The following COL20A1 variants were observed in gnomAD, a reference collection of about 807,000 sequenced individuals.
COL20A1 encodes collagen type XX alpha 1 chain.
Under a neutral mutation model 152.9 loss-of-function variants are expected in COL20A1, and 164 were observed. That is an observed-to-expected ratio of 1.07 (90% confidence interval 0.94 to 1.22). COL20A1 has a LOEUF of 1.22. COL20A1 is among the 50% of genes most tolerant of loss of function. The pLI, the probability that COL20A1 is intolerant of heterozygous loss-of-function variation, is 0.00. For missense variants in COL20A1, 1,873 were observed against 1,744.8 expected (o/e 1.07, Z -1.31); for synonymous variants, 864 against 756.0 (o/e 1.14, Z -2.34).
At chr20:63,316,719 TG>T in intron 21 of COL20A1, 28 bp downstream of exon 21, 1 of 1,483,796 alleles carries the variant, frequency 6.7e-7, no homozygotes, top group Admixed American at 2.4e-5. Flanking sequence ...GGGGTGGAGC[TG>T]GAAGCCCAGG....
rs2068125877 is a variant in COL20A1 at position 63,319,268 on chromosome 20, G to C, written c.2806+68G>C. On this transcript the variant is annotated intron_variant, in intron 22 of 35. Coordinates refer to ENST00000358894, the MANE Select transcript of COL20A1 (RefSeq NM_020882.4). The surrounding 1 kb of genome is among the most constrained non-coding windows in gnomAD (Gnocchi z 4.4). Reference sequence around the variant, plus strand: ...GGGGCAGGGAGGCCCCAGAGCCCTGGGAGGCCTTCAGAGGAAGTCCAGCCT... The same window carrying C: ...GGGGCAGGGAGGCCCCAGAGCCCTGCGAGGCCTTCAGAGGAAGTCCAGCCT... 8 of 1,520,182 alleles carry C rather than the reference G, an allele frequency of 5.3e-6. No homozygotes were observed. The highest frequency in any genetic ancestry group is 7.1e-6 in the Non-Finnish European group (8 of 1,121,416). The allele number at this position is 1,520,182 out of a possible 1,614,324, so 94.2% of individuals were successfully genotyped here.
At position 63,319,388 on chromosome 20, in the gene COL20A1, T is replaced by C; in HGVS notation, c.2807-99T>C. ...GAGGGTCACCTCCAGCTTGGCACCCTCAGGGCTGCTCCTGTCCTGTCGTGG... is the reference window on the plus strand; with the variant it reads ...GAGGGTCACCTCCAGCTTGGCACCCCCAGGGCTGCTCCTGTCCTGTCGTGG... On this transcript the variant is annotated intron_variant, in intron 22 of 35. Transcript: ENST00000358894. The surrounding 1 kb of genome is among the most constrained non-coding windows in gnomAD (Gnocchi z 4.4). The C allele has an allele frequency of 9.0e-7, 1 of 1,117,298 alleles. No individual in the cohort carries two copies. Among genetic ancestry groups the C allele is most frequent in the East Asian group, 2.6e-5 (1 of 38,706 alleles). The allele number at this position is 1,117,298 out of a possible 1,614,324, so 69.2% of individuals were successfully genotyped here.
At chr20:63,325,336 C>A in intron 27 of COL20A1, 105 bp from the exon 28 acceptor site, 1 of 892,696 alleles carries the variant, frequency 1.1e-6, no homozygotes, top group Non-Finnish European at 1.9e-6. Context: ...TCGCCGGGGA[C>A]CCAGGGCCGT....
chr20:63,328,221 C>G, intron 33 of COL20A1, 94 bp downstream of exon 33: 1 of 1,562,422 alleles, frequency 6.4e-7, no homozygotes, highest in Non-Finnish European at 8.7e-7. Context: ...CGAGGGAGGC[C>G]GCCTTCACCC....
In COL20A1 at chr20:63,309,407, C is replaced by G; in HGVS notation, c.1015C>G (p.Leu339Val). Residue 339 changes from leucine to valine, a missense_variant, in exon 9 of 36, where the codon CTG becomes GTG. Leu to Val is a conservative substitution (Grantham distance 32). Transcript: ENST00000358894. ...GAGGGACATCACCGTCCACAGCGTG[C>G]TGGACTTCCTGCAGCTCGGCGCGCT... ...PPRDITVHSV[L>V]DFLQLGALAG... 1 of 1,558,334 alleles carries G rather than the reference C, an allele frequency of 6.4e-7. No homozygotes were observed. The highest frequency in any genetic ancestry group is 8.7e-7 in the Non-Finnish European group (1 of 1,151,012).
rs373120786 is a variant in COL20A1, at chr20:63,308,700, G to A, written c.934G>A (p.Ala312Thr). ...VLKDLGVNVF[A>T]VGVKNADEAE... ...CAAGGACCTGGGCGTGAACGTCTTC[G>A]CTGTGGGTGAGCACCATGCGGCTCC... The change falls in exon 8 of 36, where the codon GCT (alanine) becomes ACT (threonine). Residue 312 changes from alanine to threonine, a missense_variant. Transcript: ENST00000358894. 168 of 1,601,368 alleles carry A rather than the reference G, an allele frequency of 1.0e-4. No homozygotes were observed. Among genetic ancestry groups the A allele is most frequent in the African/African-American group, 8.7e-4 (65 of 74,808 alleles).
At chr20:63,323,630 T>C (rs147383103) in intron 27 of COL20A1, among the ~76,000 whole-genome samples, 239 of 152,326 alleles carry the variant, frequency 1.6e-3, no homozygotes, top group South Asian at 2.7e-3. Context: ...CTTGCAGAAG[T>C]TGAACGCCCT....
chr20:63,317,475 A>G (rs1344464129), intron 21 of COL20A1, among the ~76,000 whole-genome samples: 1 of 151,878 alleles, frequency 6.6e-6, no homozygotes, highest in Non-Finnish European at 1.5e-5. Context: ...TAAAAAAAAA[A>G]AAAAAAAAAA....
In COL20A1 at chr20:63,312,842, G is replaced by A; in HGVS notation, c.1984G>A (p.Ala662Thr). Residue 662 changes from alanine (A) to threonine (T), a missense_variant, in exon 16 of 36, where the codon GCA becomes ACA. By Grantham distance (58) the Ala-to-Thr change is moderately conservative. Transcript: ENST00000358894. ...GTCCATGACGGAGCTGCCAGGGGATGCAGTCCAGCTGGCGTGGGTGGCCGC... is the reference window on the plus strand; with the variant it reads ...GTCCATGACGGAGCTGCCAGGGGATACAGTCCAGCTGGCGTGGGTGGCCGC... ...QLSMTELPGDAVQLAWVAAAP... is the reference protein window; with the variant it reads ...QLSMTELPGDTVQLAWVAAAP... 1 of 1,560,060 alleles carries A rather than the reference G, an allele frequency of 6.4e-7. No homozygotes were observed.
At chr20:63,293,877 G>T (rs1350551879) in intron 1 of COL20A1, among the ~76,000 whole-genome samples, 3 of 131,136 alleles carry the variant, frequency 2.3e-5, no homozygotes, top group African/African-American at 8.4e-5. Context: ...CTGGGAGGGG[G>T]CGTGTATTGG....
Position 63,311,613 on chromosome 20 carries a change from A to G in COL20A1, c.1540-12A>G, listed in dbSNP as rs2068006926. 6.2e-7 allele frequency: 1 copy of G among 1,610,260 alleles called. No homozygotes were observed. Among genetic ancestry groups the G allele is most frequent in the Non-Finnish European group, 8.5e-7 (1 of 1,179,600 alleles). ...CGAGTGGGGGCTGGCCTGGGACGTC[A>G]TGTCTCTGCAGGTGCAGGTCGGGCG... On this transcript the variant is annotated splice_polypyrimidine_tract_variant and intron_variant, in intron 12 of 35. Transcript: ENST00000358894. This position sits in a 1 kb window ranked among gnomAD's most constrained non-coding sequence, Gnocchi z 4.4.
In COL20A1 at chr20:63,328,431, T is replaced by C. The variant is rs753431119; in HGVS notation, c.3714T>C (p.Pro1238=). 8.1e-6 allele frequency: 13 copies of C among 1,612,510 alleles called. No individual in the cohort carries two copies. The highest frequency in any genetic ancestry group is 1.1e-5 in the South Asian group (1 of 90,924). Reference sequence around the variant, plus strand: ...CGGGCACTGAGCCCCTGGGGTCCCCTGGCACCCGCAGCAAGGCCCTGGTTC... The same window carrying C: ...CGGGCACTGAGCCCCTGGGGTCCCCCGGCACCCGCAGCAAGGCCCTGGTTC... ...LEPGTEPLGS[P]GTRSKALVPG... Residue 1238 remains proline, a synonymous_variant, in exon 34 of 36, where the codon CCT becomes CCC. Transcript: ENST00000358894.
At chr20:63,317,542 T>C (rs903447160) in intron 21 of COL20A1, among the ~76,000 whole-genome samples, 1 of 149,952 alleles carries the variant, frequency 6.7e-6, no homozygotes, top group Non-Finnish European at 1.5e-5. Flanking sequence ...TATAGAAATA[T>C]ATATATTTAA....
At chr20:63,299,032 G>T (rs1406070817) in intron 3 of COL20A1, among the ~76,000 whole-genome samples, 2 of 152,206 alleles carry the variant, frequency 1.3e-5, no homozygotes, top group Non-Finnish European at 2.9e-5. Context: ...ACACCATGGC[G>T]ACTCCCTCAT....
intron 34 of COL20A1, among the ~76,000 whole-genome samples, chr20:63,328,822 C>T (rs376267070): frequency 6.6e-6 from 1 of 151,330 alleles, no homozygotes; most frequent in Non-Finnish European, 1.5e-5. Flanking sequence ...CCCGCCCTCC[C>T]GCCCTCCTGT....
At chr20:63,325,755 G>T in intron 29 of COL20A1, 34 bp downstream of exon 29, 1 of 1,598,726 alleles carries the variant, frequency 6.3e-7, no homozygotes, top group South Asian at 1.1e-5. Context: ...TTCTGTCAGG[G>T]TGGTAGAGAC....
chr20:63,309,887 G>A lies in COL20A1; in HGVS notation c.1235G>A (p.Arg412Gln), dbSNP rs771294705. Residue 412 changes from arginine to glutamine, a missense_variant, in exon 10 of 36, where the codon CGA (arginine) becomes CAA (glutamine). Arg to Gln is a conservative substitution (Grantham distance 43). Transcript: ENST00000358894. ...CCCCTCAAGTATCTGATCGTTTGGC[G>A]AGCCTCTAGAGGTGGCACCCCCAGG... Reference protein sequence around the residue: ...RHPLKYLIVWRASRGGTPREV... With the variant: ...RHPLKYLIVWQASRGGTPREV... 24 of 1,605,402 alleles carry A rather than the reference G, an allele frequency of 1.5e-5. No homozygotes were observed. The highest frequency in any genetic ancestry group is 1.1e-4 in the South Asian group (10 of 89,976).
rs2068125701 is a variant in COL20A1 at position 63,319,255 on chromosome 20, C to T, written c.2806+55C>T. On this transcript the variant is annotated intron_variant, in intron 22 of 35. Coordinates refer to ENST00000358894, the MANE Select transcript of COL20A1 (RefSeq NM_020882.4). This position sits in a 1 kb window ranked among gnomAD's most constrained non-coding sequence, Gnocchi z 4.4. ...GTCAGGAGGAGTAGGGGCAGGGAGG[C>T]CCCAGAGCCCTGGGAGGCCTTCAGA... 4 of 1,564,040 alleles carry T rather than the reference C, an allele frequency of 2.6e-6. No homozygotes were observed. Among genetic ancestry groups the T allele is most frequent in the Non-Finnish European group, 3.5e-6 (4 of 1,150,016 alleles).
intron 21 of COL20A1, 58 bp downstream of exon 21, chr20:63,316,749 AG>A: frequency 9.1e-7 from 1 of 1,098,832 alleles, no homozygotes; most frequent in Admixed American, 2.8e-5. Flanking sequence ...GCTGAAGATT[AG>A]GAGGACATGG....
Sources: gnomAD v4.1 joint callset for allele counts (sites outside exome capture counted in the v4.1 genomes callset) on GRCh38, gnomAD v4.1.1 for gene constraint, Gnocchi (gnomAD v3.1) non-coding constraint, MANE v1.5 for transcripts, NCBI Gene and HGNC (gene_info 2026-07-23, HGNC 2026-07-21) for gene names.